PHACTR1: variants seen among roughly 807,000 people sequenced by gnomAD.
PHACTR1 encodes the protein phosphatase and actin regulator 1.
Under a neutral mutation model 69.2 loss-of-function variants are expected in PHACTR1, and 16 were observed. That is an observed-to-expected ratio of 0.23 (90% confidence interval 0.16 to 0.35). The LOEUF (loss-of-function observed/expected upper bound fraction) is 0.35, where lower values mean the gene tolerates loss of function less well. Ranked by LOEUF, PHACTR1 falls within the 10% of genes least tolerant of loss-of-function variation. PHACTR1 has a pLI of 1.00. For missense variants in PHACTR1, 510 were observed against 734.7 expected (o/e 0.69, Z 3.54); for synonymous variants, 312 against 284.5 (o/e 1.10, Z -0.97).
At chr6:13,001,342 T>A (rs1010495279) in intron 4 of PHACTR1, among the ~76,000 whole-genome samples, 1 of 152,128 alleles carries the variant, frequency 6.6e-6, no homozygotes, top group East Asian at 1.9e-4. Flanking sequence ...GAAGAAAAAT[T>A]AATAAGTCTT....
At chr6:12,945,214 T>C (rs116149444) in intron 4 of PHACTR1, among the ~76,000 whole-genome samples, 1 of 152,154 alleles carries the variant, frequency 6.6e-6, no homozygotes, top group South Asian at 2.1e-4. Flanking sequence ...TAGGTCCCCA[T>C]ATAAAACCAC....
intron 4 of PHACTR1, among the ~76,000 whole-genome samples, chr6:12,851,261 C>T (rs1779798609): frequency 6.6e-6 from 1 of 152,194 alleles, no homozygotes; most frequent in African/African-American, 2.4e-5. Context: ...AGGCTTTGAA[C>T]TTTAAATAGC....
At chr6:13,045,967 A>G (rs1804962192) in intron 4 of PHACTR1, among the ~76,000 whole-genome samples, 1 of 151,794 alleles carries the variant, frequency 6.6e-6, no homozygotes, top group Non-Finnish European at 1.5e-5. Context: ...TTTCTCCACC[A>G]CTCCCAGACC....
chr6:12,762,664 C>G (rs1177608195), intron 4 of PHACTR1, among the ~76,000 whole-genome samples: 1 of 152,156 alleles, frequency 6.6e-6, no homozygotes, highest in African/African-American at 2.4e-5. Flanking sequence ...CCACTCTACC[C>G]TCACCTCAGA....
intron 5 of PHACTR1, among the ~76,000 whole-genome samples, chr6:13,092,019 C>T (rs1294005479): frequency 6.6e-6 from 1 of 152,118 alleles, no homozygotes; most frequent in Admixed American, 6.6e-5. Flanking sequence ...AGGACAGTCT[C>T]GATCTCCTGA....
chr6:13,073,331 ATTTTTTTT>A (rs10664160), intron 5 of PHACTR1, among the ~76,000 whole-genome samples: 24 of 65,694 alleles, frequency 3.7e-4, no homozygotes, highest in South Asian at 8.5e-4. Context: ...CATTCCATGA[ATTTTTTTT>A]TTTTTTTTTT....
chr6:12,946,959 C>T (rs1241418566), intron 4 of PHACTR1, among the ~76,000 whole-genome samples: 1 of 151,694 alleles, frequency 6.6e-6, no homozygotes, highest in Non-Finnish European at 1.5e-5. Flanking sequence ...ATTAAAGGCA[C>T]CCACCACCAC....
intron 4 of PHACTR1, among the ~76,000 whole-genome samples, chr6:12,750,213 G>A (rs772479130): frequency 2.0e-4 from 31 of 152,212 alleles, no homozygotes; most frequent in Non-Finnish European, 4.0e-4. Flanking sequence ...ACGGGTTGAC[G>A]CCGCCGCTGC....
At chr6:13,227,616 G>A (rs1433247072) in intron 8 of PHACTR1, among the ~76,000 whole-genome samples, 200 bp from the exon 9 acceptor site, 7 of 152,138 alleles carry the variant, frequency 4.6e-5, no homozygotes, top group South Asian at 4.1e-4. Flanking sequence ...TCAGGAAACC[G>A]TGCCATCTTA....
At chr6:12,720,786 A>G (rs565030264) in intron 3 of PHACTR1, among the ~76,000 whole-genome samples, 2 of 152,302 alleles carry the variant, frequency 1.3e-5, no homozygotes, top group East Asian at 3.9e-4. Context: ...AGCTCCAGGG[A>G]TGGCTACCTA....
chr6:13,082,654 A>G (rs1043726068), intron 5 of PHACTR1, among the ~76,000 whole-genome samples: 1 of 152,086 alleles, frequency 6.6e-6, no homozygotes, highest in African/African-American at 2.4e-5. Context: ...CTGGTGTGAG[A>G]TGGTATCTCA....
At chr6:13,227,776 G>C (rs9395550) in intron 8 of PHACTR1, 40 bp from the exon 9 acceptor site, 145,618 of 1,601,854 alleles carry the variant, frequency 0.091, 7,162 homozygotes, top group Admixed American at 0.12. Flanking sequence ...TAGCACGTTA[G>C]CCAAAGTGAA....
intron 4 of PHACTR1, among the ~76,000 whole-genome samples, chr6:12,891,281 T>C (rs976017033): frequency 5.9e-5 from 9 of 152,166 alleles, no homozygotes; most frequent in Admixed American, 5.9e-4. Context: ...TTACAAATTA[T>C]GTTAACATGC....
chr6:12,810,891 G>T (rs975020793), intron 4 of PHACTR1, among the ~76,000 whole-genome samples: 3 of 152,204 alleles, frequency 2.0e-5, no homozygotes, highest in Non-Finnish European at 4.4e-5. Context: ...TCAAGAAAGA[G>T]CCTGCTTGGT....
At chr6:12,804,541 T>C (rs1014122788) in intron 4 of PHACTR1, among the ~76,000 whole-genome samples, 1 of 152,232 alleles carries the variant, frequency 6.6e-6, no homozygotes, top group Non-Finnish European at 1.5e-5. Flanking sequence ...AATATTATTT[T>C]ATCAGGCTGG....
intron 4 of PHACTR1, among the ~76,000 whole-genome samples, chr6:13,019,316 C>T (rs1183335224): frequency 6.6e-6 from 1 of 152,192 alleles, no homozygotes; most frequent in Non-Finnish European, 1.5e-5. Flanking sequence ...TCAGATTCCC[C>T]TACTCTTGTA....
chr6:12,760,380 G>T (rs1262394107), intron 4 of PHACTR1, among the ~76,000 whole-genome samples: 1 of 152,134 alleles, frequency 6.6e-6, no homozygotes, highest in Non-Finnish European at 1.5e-5. Context: ...ATTAAGAATA[G>T]GTCATCCTCT....
chr6:12,719,016 A>C (rs1004443020), intron 3 of PHACTR1, among the ~76,000 whole-genome samples, 169 bp downstream of exon 3: 3 of 152,234 alleles, frequency 2.0e-5, no homozygotes, highest in Non-Finnish European at 4.4e-5. Context: ...ATATAATAGA[A>C]TAAATAAATC....
intron 4 of PHACTR1, among the ~76,000 whole-genome samples, chr6:12,947,341 C>CTTTT (rs35334406): frequency 7.0e-6 from 1 of 142,398 alleles, no homozygotes. Flanking sequence ...AACTATTCTG[C>CTTTT]TTTTTTTTTT....
Sources: allele counts gnomAD v4.1 joint callset (sites outside exome capture counted in the v4.1 genomes callset), GRCh38; gene constraint gnomAD v4.1.1; transcripts MANE v1.5; gene names NCBI Gene and HGNC (gene_info 2026-07-23, HGNC 2026-07-21).